The following AGBL1 variants were observed in gnomAD, a reference collection of about 807,000 sequenced individuals.
The protein encoded by AGBL1 is cytosolic carboxypeptidase 4.
In AGBL1, 130 loss-of-function variants were observed where a neutral mutation model predicts 118.9. The observed-to-expected ratio is 1.09, with a 90% CI of 0.95 to 1.26. The LOEUF (loss-of-function observed/expected upper bound fraction) is 1.26, where lower values mean the gene tolerates loss of function less well. Among genes scored for constraint, AGBL1 ranks in the 50% most tolerant of loss-of-function variants. The pLI is 0.00. For synonymous variants in AGBL1, 555 were observed against 478.9 expected, an observed-to-expected ratio of 1.16 and a Z score of -2.08; for missense variants, 1,584 against 1,298.1, an observed-to-expected ratio of 1.22 and a Z score of -3.38.
At chr15:86,738,090 A>G (rs894421653) in intron 22 of AGBL1, among the ~76,000 whole-genome samples, 1 of 152,136 alleles carries the variant, frequency 6.6e-6, no homozygotes, top group Non-Finnish European at 1.5e-5. Flanking sequence ...TTCTGTGTCT[A>G]TTGAGATAAA....
chr15:86,940,048 ATTTTGGTAGTCCTTTT>A (rs1567250013), intron 23 of AGBL1, among the ~76,000 whole-genome samples: 3 of 136,926 alleles, frequency 2.2e-5, no homozygotes, highest in Non-Finnish European at 4.7e-5. Flanking sequence ...AACTCAGCTA[ATTTTGGTAGTCCTTTT>A]TTTTTTTTTT....
intron 18 of AGBL1, among the ~76,000 whole-genome samples, chr15:86,472,508 C>T (rs2082492007): frequency 6.6e-6 from 1 of 152,168 alleles, no homozygotes. Flanking sequence ...TACAATTTTA[C>T]AGGTAATGCA....
At chr15:86,655,329 T>C (rs1596341460) in intron 21 of AGBL1, among the ~76,000 whole-genome samples, 1 of 152,142 alleles carries the variant, frequency 6.6e-6, no homozygotes, top group Non-Finnish European at 1.5e-5. Flanking sequence ...AAATAGAAAC[T>C]GAACTAGCCA....
chr15:86,211,166 T>C (rs767510175), intron 5 of AGBL1, among the ~76,000 whole-genome samples: 2 of 152,184 alleles, frequency 1.3e-5, no homozygotes, highest in Non-Finnish European at 2.9e-5. Context: ...ACAGCAAATA[T>C]TGCATTACAG....
At chr15:86,842,859 AG>A (rs1226523357) in intron 22 of AGBL1, among the ~76,000 whole-genome samples, 1 of 152,128 alleles carries the variant, frequency 6.6e-6, no homozygotes, top group Non-Finnish European at 1.5e-5. Flanking sequence ...ATTCAGTCAG[AG>A]GTATAGTCTT....
At chr15:86,469,879 T>C (rs936934866) in intron 18 of AGBL1, among the ~76,000 whole-genome samples, 1 of 152,202 alleles carries the variant, frequency 6.6e-6, no homozygotes, top group African/African-American at 2.4e-5. Context: ...ATGTCTTCTT[T>C]TGAGAAATGT....
chr15:86,648,852 C>G (rs2085327078), intron 21 of AGBL1, among the ~76,000 whole-genome samples: 1 of 152,062 alleles, frequency 6.6e-6, no homozygotes, highest in South Asian at 2.1e-4. Context: ...AACTGGCTAT[C>G]AGATTTAATG....
chr15:86,636,494 GTT>G (rs11324595), intron 21 of AGBL1, among the ~76,000 whole-genome samples: 33 of 141,532 alleles, frequency 2.3e-4, no homozygotes, highest in African/African-American at 2.6e-4. Flanking sequence ...CATCAAGATA[GTT>G]TTTTTTTTTT....
rs1174773771 is a variant in AGBL1, at chr15:86,264,853, G to C, written c.1667+15G>C. ...GGAGTCCAAAGGTGATGGCGCTACT[G>C]ACTTGGGAGCTCTTTTTTTCTGTTC... On this transcript the variant is annotated intron_variant, in intron 11 of 22. Transcript: ENST00000614907. 17 of 1,554,736 alleles carry C rather than the reference G, an allele frequency of 1.1e-5. No individual in the cohort carries two copies. Among genetic ancestry groups the C allele is most frequent in the African/African-American group, 1.4e-5 (1 of 72,172 alleles).
chr15:86,431,470 G>A (rs1393829299), intron 18 of AGBL1, among the ~76,000 whole-genome samples: 1 of 152,174 alleles, frequency 6.6e-6, no homozygotes, highest in Non-Finnish European at 1.5e-5. Flanking sequence ...ATTTGCAATA[G>A]GGCAATTTGG....
At position 86,638,059 on chromosome 15, in the gene AGBL1, T is replaced by C. The variant is rs368977388; in HGVS notation, c.2995-36214T>C. On this transcript the variant is annotated intron_variant, in intron 21 of 22. Transcript: ENST00000614907. ...GAACAGGAAAAAAAATCCTTTATAC[T>C]TCATACTTCGGGACTACTTCTCATC... is the stretch of plus-strand genomic sequence containing the variant. 6.6e-5 allele frequency among the ~76,000 whole-genome samples: 10 copies of C among 152,254 alleles called. No individual in the cohort carries two copies. The East Asian group carries it at 1.7e-3, about 27-fold the overall frequency.
rs1434940642 is a variant in AGBL1, at chr15:86,210,058, T to A, written c.489-14856T>A. On this transcript the variant is annotated intron_variant, in intron 5 of 22. Coordinates refer to ENST00000614907, the MANE Select transcript of AGBL1 (RefSeq NM_001386094.1). ...TTACTTGTCTGTAAAGGATTTTATTTCTCCTTCACTTATGAAGCTTAGTTT... is the reference window on the plus strand; with the variant it reads ...TTACTTGTCTGTAAAGGATTTTATTACTCCTTCACTTATGAAGCTTAGTTT... 3.3e-5 allele frequency among the ~76,000 whole-genome samples: 5 copies of A among 152,274 alleles called. No homozygotes were observed. In the East Asian group the frequency reaches 9.6e-4, roughly 29 times the overall value.
intron 22 of AGBL1, among the ~76,000 whole-genome samples, chr15:86,866,641 G>A (rs959353754): frequency 6.6e-6 from 1 of 152,174 alleles, no homozygotes; most frequent in African/African-American, 2.4e-5. Flanking sequence ...ATCACTTGAG[G>A]TCAGAAGTTC....
chr15:86,285,608 A>T (rs1257992288), intron 16 of AGBL1, among the ~76,000 whole-genome samples: 2 of 152,136 alleles, frequency 1.3e-5, no homozygotes, highest in African/African-American at 2.4e-5. Context: ...TGGAACTGTG[A>T]GTCGATTAAA....
At chr15:86,795,750 A>C (rs956746089) in intron 22 of AGBL1, among the ~76,000 whole-genome samples, 1 of 151,128 alleles carries the variant, frequency 6.6e-6, no homozygotes, top group Non-Finnish European at 1.5e-5. Flanking sequence ...ACACCCAGCT[A>C]ATTTTTTGTA....
At chr15:86,282,603 G>C (rs1360612555) in intron 16 of AGBL1, among the ~76,000 whole-genome samples, 1 of 152,110 alleles carries the variant, frequency 6.6e-6, no homozygotes, top group African/African-American at 2.4e-5. Flanking sequence ...CTAGGTTTAA[G>C]ACAATAATTG....
At chr15:86,659,754 A>G (rs1409712299) in intron 21 of AGBL1, among the ~76,000 whole-genome samples, 1 of 152,230 alleles carries the variant, frequency 6.6e-6, no homozygotes, top group Non-Finnish European at 1.5e-5. Flanking sequence ...TTTCATTAAA[A>G]AATAAAACAT....
chr15:86,805,775 T>C (rs16978006), intron 22 of AGBL1, among the ~76,000 whole-genome samples: 7,050 of 152,172 alleles, frequency 0.046, 540 homozygotes, highest in African/African-American at 0.16. Flanking sequence ...GCATTGACAG[T>C]CTTTCTACAA....
intron 1 of AGBL1, among the ~76,000 whole-genome samples, chr15:86,136,766 TG>T (rs1489210644): frequency 5.3e-5 from 8 of 152,024 alleles, no homozygotes; most frequent in African/African-American, 1.9e-4. Flanking sequence ...TTTCATACTG[TG>T]GTGAGGAGCT....
Sources: allele counts gnomAD v4.1 joint callset (sites outside exome capture counted in the v4.1 genomes callset), GRCh38; gene constraint gnomAD v4.1.1; transcripts MANE v1.5; gene names NCBI Gene and HGNC (gene_info 2026-07-23, HGNC 2026-07-21).